The following PRKCA variants were observed in gnomAD, a reference collection of about 807,000 sequenced individuals.
PRKCA encodes protein kinase C alpha, also known as protein kinase C alpha type.
Under a neutral mutation model 87.0 loss-of-function variants are expected in PRKCA, and 27 were observed. The ratio of observed to expected loss-of-function variants is 0.31; its 90% CI spans 0.23 to 0.43. The LOEUF (loss-of-function observed/expected upper bound fraction) is 0.43, where lower values mean the gene tolerates loss of function less well. PRKCA is among the 20% of genes least tolerant of loss of function. The pLI is 1.00. For synonymous variants in PRKCA, 329 were observed against 311.1 expected, an observed-to-expected ratio of 1.06 and a Z score of -0.61; for missense variants, 518 against 852.3, an observed-to-expected ratio of 0.61 and a Z score of 4.88.
chr17:66,414,411 G>C (rs1052294833), intron 2 of PRKCA, among the ~76,000 whole-genome samples: 6 of 152,306 alleles, frequency 3.9e-5, no homozygotes, highest in African/African-American at 1.4e-4. Context: ...AGTTCCCTGA[G>C]GCCTCCCCAG....
chr17:66,330,591 T>G (rs1006518124), intron 2 of PRKCA, among the ~76,000 whole-genome samples: 1 of 152,198 alleles, frequency 6.6e-6, no homozygotes, highest in African/African-American at 2.4e-5. Context: ...TAGGCAAGCA[T>G]TTGTTGCTGC....
intron 1 of PRKCA, among the ~76,000 whole-genome samples, chr17:66,303,685 C>G (rs887198200): frequency 2.0e-5 from 3 of 152,074 alleles, no homozygotes; most frequent in African/African-American, 7.2e-5. Flanking sequence ...GCAAATGGCA[C>G]AAGGGCAGAG....
intron 3 of PRKCA, among the ~76,000 whole-genome samples, chr17:66,627,934 A>T (rs1970902967): frequency 6.6e-6 from 1 of 152,244 alleles, no homozygotes; most frequent in Non-Finnish European, 1.5e-5. Context: ...GAAGAGAAGA[A>T]AACCTCAGCT....
chr17:66,627,168 A>G (rs184560177), intron 3 of PRKCA, among the ~76,000 whole-genome samples: 7 of 152,320 alleles, frequency 4.6e-5, no homozygotes, highest in African/African-American at 1.7e-4. Flanking sequence ...AACAACCCAG[A>G]AAGGTGAATT....
intron 2 of PRKCA, among the ~76,000 whole-genome samples, chr17:66,358,474 G>C (rs986223509): frequency 2.7e-5 from 4 of 150,122 alleles, no homozygotes; most frequent in Non-Finnish European, 5.9e-5. Context: ...GAATACATGT[G>C]TGAATTAATA....
At chr17:66,509,779 G>A (rs879383294) in intron 3 of PRKCA, among the ~76,000 whole-genome samples, 1 of 152,280 alleles carries the variant, frequency 6.6e-6, no homozygotes, top group East Asian at 1.9e-4. Context: ...GTAACCATTT[G>A]CCACAGGCAG....
intron 2 of PRKCA, among the ~76,000 whole-genome samples, chr17:66,367,992 A>G (rs905123765): frequency 1.3e-5 from 2 of 152,176 alleles, no homozygotes; most frequent in Admixed American, 1.3e-4. Flanking sequence ...ATAGGGAGTA[A>G]CATGAATGAG....
intron 2 of PRKCA, among the ~76,000 whole-genome samples, chr17:66,376,775 G>A (rs752737038): frequency 7.2e-5 from 11 of 152,112 alleles, no homozygotes; most frequent in Middle Eastern, 3.2e-3. Flanking sequence ...TGGGAGAGGG[G>A]GTGAGGATGG....
At chr17:66,636,328 A>C (rs1971151462) in intron 3 of PRKCA, among the ~76,000 whole-genome samples, 1 of 152,224 alleles carries the variant, frequency 6.6e-6, no homozygotes, top group Non-Finnish European at 1.5e-5. Context: ...CCTGCATCCC[A>C]TTGCTGCAGT....
intron 3 of PRKCA, among the ~76,000 whole-genome samples, chr17:66,552,987 C>T (rs75929411): frequency 2.6e-4 from 25 of 97,224 alleles, no homozygotes; most frequent in Middle Eastern, 6.0e-3. Context: ...TGAATATTTT[C>T]TTTTTTTTTT....
chr17:66,647,041 T>C (rs1033600084), intron 5 of PRKCA, among the ~76,000 whole-genome samples: 4 of 152,226 alleles, frequency 2.6e-5, no homozygotes, highest in African/African-American at 9.6e-5. Context: ...TTGGAATCCC[T>C]GCCCTTATCT....
chr17:66,674,796 G>C (rs1972282670), intron 5 of PRKCA, among the ~76,000 whole-genome samples: 1 of 152,224 alleles, frequency 6.6e-6, no homozygotes. Context: ...TGATTCCAGT[G>C]AATCAGTCTG....
chr17:66,770,296 G>T (rs768816261), intron 13 of PRKCA, among the ~76,000 whole-genome samples: 28 of 152,226 alleles, frequency 1.8e-4, no homozygotes, highest in Non-Finnish European at 3.7e-4. Flanking sequence ...ATGATAGGAT[G>T]TTTAAAAGTA....
At chr17:66,750,223 C>G (rs942495445) in intron 13 of PRKCA, among the ~76,000 whole-genome samples, 1 of 151,952 alleles carries the variant, frequency 6.6e-6, no homozygotes, top group South Asian at 2.1e-4. Context: ...GGCCCCGCAC[C>G]AGCCCAGCAT....
chr17:66,620,138 G>A (rs1008592430), intron 3 of PRKCA, among the ~76,000 whole-genome samples: 2 of 152,164 alleles, frequency 1.3e-5, no homozygotes, highest in Non-Finnish European at 2.9e-5. Flanking sequence ...TGTGTTACGT[G>A]AATACTCATC....
chr17:66,417,366 T>G (rs1912216724), intron 2 of PRKCA, among the ~76,000 whole-genome samples: 1 of 152,118 alleles, frequency 6.6e-6, no homozygotes, highest in Non-Finnish European at 1.5e-5. Context: ...TCCCTAAAGA[T>G]CTGGTGAAAT....
At chr17:66,346,311 A>C (rs1333575524) in intron 2 of PRKCA, among the ~76,000 whole-genome samples, 1 of 151,512 alleles carries the variant, frequency 6.6e-6, no homozygotes, top group Non-Finnish European at 1.5e-5. Flanking sequence ...GTTAGCTAGG[A>C]TGGTCTCGAT....
At chr17:66,493,785 T>A (rs1916348031) in intron 2 of PRKCA, among the ~76,000 whole-genome samples, 1 of 152,196 alleles carries the variant, frequency 6.6e-6, no homozygotes, top group Non-Finnish European at 1.5e-5. Context: ...TGGTGCTGTG[T>A]GGTCAGTCAG....
At chr17:66,777,695 G>A (rs1490085150) in intron 14 of PRKCA, 4 of 985,326 alleles carry the variant, frequency 4.1e-6, no homozygotes, top group Non-Finnish European at 2.4e-6. Flanking sequence ...TCTTGAGTCT[G>A]GAAAACAAAC....
Sources: gnomAD v4.1 joint callset for allele counts (sites outside exome capture counted in the v4.1 genomes callset) on GRCh38, gnomAD v4.1.1 for gene constraint, MANE v1.5 for transcripts, NCBI Gene and HGNC (gene_info 2026-07-23, HGNC 2026-07-21) for gene names.